Variants in ACAN observed in about 807,000 individuals in gnomAD.
ACAN encodes aggrecan.
ACAN carries 47 observed loss-of-function variants against 169.1 expected under a neutral mutation model. The ratio of observed to expected loss-of-function variants is 0.28; its 90% confidence interval spans 0.22 to 0.35. The LOEUF (loss-of-function observed/expected upper bound fraction) is 0.35. Among genes scored for constraint, ACAN ranks in the 10% least tolerant of loss-of-function variants. The pLI, the probability that ACAN is intolerant of heterozygous loss-of-function variation, is 1.00. For synonymous variants in ACAN, 1,115 were observed against 1,112.2 expected (o/e 1.00, Z -0.05); for missense variants, 2,716 against 2,759.9 (o/e 0.98, Z 0.36).
chr15:88,813,531 A>T (rs1245969285), intron 1 of ACAN, among the ~76,000 whole-genome samples: 1 of 152,182 alleles, frequency 6.6e-6, no homozygotes, highest in Non-Finnish European at 1.5e-5. Context: ...AAATCTCCCC[A>T]GCTTCTCTCA....
intron 12 of ACAN, among the ~76,000 whole-genome samples, 187 bp downstream of exon 12, chr15:88,859,604 C>T (rs1175615347): frequency 1.3e-5 from 2 of 152,230 alleles, no homozygotes; most frequent in Non-Finnish European, 2.9e-5. Flanking sequence ...GGATAATACT[C>T]TACCAGGGAA....
rs893514686 is a variant in ACAN, at chr15:88,851,138, C to G, written c.2027-656C>G. 1 of 152,220 alleles carries G rather than the reference C, an allele frequency of 6.6e-6. No individual in the cohort carries two copies. The highest frequency in any genetic ancestry group is 1.5e-5 in the Non-Finnish European group (1 of 68,124). 9.4% of individuals were successfully genotyped at this position (152,220 alleles called of 1,614,324 possible). ...TCCCACCCCTGACCCTCCGTGAACT[C>G]AGCCTTGTGTATTATCCTGCACAGT... On this transcript the variant is annotated intron_variant, in intron 10 of 18. Transcript: ENST00000560601. The surrounding 1 kb of genome is among the most constrained non-coding windows in gnomAD (Gnocchi z 4.3).
Position 88,851,782 on chromosome 15 carries a change from C to T in ACAN, c.2027-12C>T, listed in dbSNP as rs374852385. 2.6e-6 allele frequency: 4 copies of T among 1,568,240 alleles called. No homozygotes were observed. In the African/African-American group the frequency reaches 5.4e-5, roughly 21 times the overall value. On this transcript the variant is annotated splice_polypyrimidine_tract_variant and intron_variant, in intron 10 of 18. Transcript: ENST00000560601. This position sits in a 1 kb window ranked among gnomAD's most constrained non-coding sequence, Gnocchi z 4.3. Reference sequence around the variant, plus strand: ...GAGAGGGACTCACTCTGACCACCCACATCTCCTTTAGGCATTTCAGCGGTT... The same window carrying T: ...GAGAGGGACTCACTCTGACCACCCATATCTCCTTTAGGCATTTCAGCGGTT...
rs1259581094 is a variant in ACAN at position 88,871,105 on chromosome 15, T to A, written c.7061-277T>A. 2.0e-5 allele frequency among the ~76,000 whole-genome samples: 3 copies of A among 152,094 alleles called. No individual in the cohort carries two copies. The highest frequency in any genetic ancestry group is 4.4e-5 in the Non-Finnish European group (3 of 68,018). On this transcript the variant is annotated intron_variant, in intron 14 of 18. Transcript: ENST00000560601. This position sits in a 1 kb window ranked among gnomAD's most constrained non-coding sequence, Gnocchi z 7.8. ...CTCTGCCGGCCCAGCAGAGCAGGCA[T>A]CAAGAGGAGGAAAGCTTGGGAGAGG...
rs940778996 is a variant in ACAN at position 88,857,305 on chromosome 15, G to A, written c.4720G>A (p.Glu1574Lys). 7 of 1,613,860 alleles carry A rather than the reference G, an allele frequency of 4.3e-6. No homozygotes were observed. The highest frequency in any genetic ancestry group is 1.6e-4 in the Middle Eastern group (1 of 6,082). Residue 1574 changes from glutamate to lysine, a missense_variant, in exon 12 of 19, where the codon GAG (glutamate) becomes AAG (lysine). Transcript: ENST00000560601. ...TDLSGLPSGR[E>K]GLETSASGAE... is the part of the protein sequence containing the mutation. The stretch of plus-strand genomic sequence containing the variant: ...CCTCAGTGGGCTTCCTTCTGGAAGG[G>A]AGGGTCTAGAGACTTCAGCTTCTGG...
At chr15:88,813,678 T>C (rs1895874523) in intron 1 of ACAN, among the ~76,000 whole-genome samples, 1 of 152,228 alleles carries the variant, frequency 6.6e-6, no homozygotes, top group East Asian at 1.9e-4. Context: ...TTCACCTCAT[T>C]TCCTTTACAT....
chr15:88,856,896 T>G lies in ACAN; in HGVS notation c.4311T>G (p.Val1437=). Residue 1437 remains valine, a synonymous_variant, in exon 12 of 19, where the codon GTT becomes GTG. Coordinates refer to ENST00000560601, the MANE Select transcript of ACAN (RefSeq NM_001369268.1). ...TCAGTGGGCTTCCTTCTGGAGAAGTTCTAGAGACTACTGCCCCTGGAGTAG... is the reference window on the plus strand; with the variant it reads ...TCAGTGGGCTTCCTTCTGGAGAAGTGCTAGAGACTACTGCCCCTGGAGTAG... ...DEISGLPSGE[V]LETTAPGVEE... is the part of the protein sequence containing the mutation. 1 of 1,592,216 alleles carries G rather than the reference T, an allele frequency of 6.3e-7. No homozygotes were observed. Among genetic ancestry groups the G allele is most frequent in the Non-Finnish European group, 8.6e-7 (1 of 1,165,034 alleles).
At chr15:88,829,236 A>C (rs570716593) in intron 1 of ACAN, among the ~76,000 whole-genome samples, 86 of 152,376 alleles carry the variant, frequency 5.6e-4, no homozygotes, top group Middle Eastern at 3.4e-3. Context: ...GGAAATATCA[A>C]AAGAGTATTG....
Position 88,847,207 on chromosome 15 carries a change from G to T in ACAN, c.1430-36G>T, listed in dbSNP as rs757318487. 11 of 1,513,862 alleles carry T rather than the reference G, an allele frequency of 7.3e-6. No individual in the cohort carries two copies. The East Asian group carries it at 1.5e-4, about 21-fold the overall frequency. 93.8% of individuals were successfully genotyped at this position (1,513,862 alleles called of 1,614,324 possible). A position where few individuals can be genotyped will look rare whatever the true frequency, so the allele number is the denominator to read the frequency against. ...GAGCCTTGGAAGCTGCACACCGTGG[G>T]TCCCTGAACCTGACCGCTCCCTCCT... On this transcript the variant is annotated intron_variant, in intron 7 of 18. Transcript: ENST00000560601.
chr15:88,813,383 C>G (rs1312192988), intron 1 of ACAN, among the ~76,000 whole-genome samples: 1 of 152,190 alleles, frequency 6.6e-6, no homozygotes, highest in East Asian at 1.9e-4. Context: ...ATCTGGGACT[C>G]AGAAAAGAAT....
At chr15:88,848,994 G>C (rs1356715772) in intron 9 of ACAN, among the ~76,000 whole-genome samples, 1 of 152,214 alleles carries the variant, frequency 6.6e-6, no homozygotes, top group African/African-American at 2.4e-5. Flanking sequence ...GAGTTCCCAG[G>C]GTGTGGGGTG....
chr15:88,812,970 T>TAAA (rs1279643929), intron 1 of ACAN, among the ~76,000 whole-genome samples: 1 of 152,144 alleles, frequency 6.6e-6, no homozygotes. Context: ...ACAGGCTTTG[T>TAAA]AGGTGAAAAG....
chr15:88,849,871 A>C lies in ACAN; in HGVS notation c.2026+140A>C. On this transcript the variant is annotated intron_variant, in intron 10 of 18. Coordinates refer to ENST00000560601, the MANE Select transcript of ACAN (RefSeq NM_001369268.1). The surrounding 1 kb of genome is among the most constrained non-coding windows in gnomAD (Gnocchi z 5.1). ...TCCCTCTGGGGCAGAGCCAGCTCTG[A>C]AACCAGCACAACGCAGGCTTTGACC... 1 of 1,225,886 alleles carries C rather than the reference A, an allele frequency of 8.2e-7. No homozygotes were observed. The highest frequency in any genetic ancestry group is 1.2e-6 in the Non-Finnish European group (1 of 859,214). The allele number at this position is 1,225,886 out of a possible 1,614,324, so 75.9% of individuals were successfully genotyped here.
intron 1 of ACAN, among the ~76,000 whole-genome samples, chr15:88,825,776 C>T (rs938804943): frequency 2.1e-5 from 3 of 141,922 alleles, no homozygotes; most frequent in Non-Finnish European, 4.9e-5. Flanking sequence ...GTCCTAAACC[C>T]CAGCCTGCTC....
At chr15:88,840,969 C>T (rs777170855) in intron 4 of ACAN, among the ~76,000 whole-genome samples, 9 of 151,934 alleles carry the variant, frequency 5.9e-5, no homozygotes, top group Non-Finnish European at 7.4e-5. Flanking sequence ...ATGGTGAAAC[C>T]CCATCTCTAC....
chr15:88,858,064 T>A lies in ACAN; in HGVS notation c.5479T>A (p.Ser1827Thr). The A allele has an allele frequency of 6.2e-7, 1 of 1,613,902 alleles. No homozygotes were observed. The highest frequency in any genetic ancestry group is 8.5e-7 in the Non-Finnish European group (1 of 1,179,878). ...SGTTSGSGES[S>T]GITFVDTSLV... ...TACCACGAGTGGCAGCGGTGAATCT[T>A]CTGGGATTACATTTGTGGACACCAG... The change falls in exon 12 of 19, where the codon TCT (serine) becomes ACT (threonine). Residue 1827 changes from serine to threonine, a missense_variant. This residue lies in a region of ACAN where 1,389 missense variants were observed against 1,363.7 expected (regional missense o/e 1.02). Transcript: ENST00000560601. The surrounding 1 kb of genome is among the most constrained non-coding windows in gnomAD (Gnocchi z 4.0).
intron 1 of ACAN, among the ~76,000 whole-genome samples, chr15:88,819,087 G>A (rs1334783431): frequency 6.6e-6 from 1 of 152,186 alleles, no homozygotes; most frequent in Non-Finnish European, 1.5e-5. Flanking sequence ...AGCTGCTCTG[G>A]CATCCTGTTG....
chr15:88,865,267 T>G (rs1475450933), intron 13 of ACAN, among the ~76,000 whole-genome samples: 1 of 152,082 alleles, frequency 6.6e-6, no homozygotes, highest in Non-Finnish European at 1.5e-5. Context: ...GTAGCAGCAA[T>G]GCTAAGGAGG....
At chr15:88,808,019 T>A (rs1342683593) in intron 1 of ACAN, among the ~76,000 whole-genome samples, 1 of 152,170 alleles carries the variant, frequency 6.6e-6, no homozygotes, top group Non-Finnish European at 1.5e-5. Flanking sequence ...TCTGTGTAGG[T>A]CACTATTTTG....
Sources: gnomAD v4.1 joint callset for allele counts (sites outside exome capture counted in the v4.1 genomes callset) on GRCh38, gnomAD v4.1.1 for gene constraint, gnomAD v4.1.1 regional missense constraint, Gnocchi (gnomAD v3.1) non-coding constraint, MANE v1.5 for transcripts, NCBI Gene and HGNC (gene_info 2026-07-23, HGNC 2026-07-21) for gene names.